The following ADIPOR2 variants were observed in gnomAD, a reference collection of about 807,000 sequenced individuals.
The protein encoded by ADIPOR2 is adiponectin receptor protein 2.
ADIPOR2 carries 18 observed loss-of-function variants against 40.9 expected under a neutral mutation model. That is an observed-to-expected ratio of 0.44 (90% CI 0.30 to 0.65). The LOEUF is 0.65. Among genes scored for constraint, ADIPOR2 ranks in the 30% least tolerant of loss-of-function variants. The pLI, the probability that ADIPOR2 is intolerant of heterozygous loss-of-function variation, is 0.09. For synonymous variants in ADIPOR2, 165 were observed against 166.4 expected (o/e 0.99, Z 0.06); for missense variants, 283 against 479.2 (o/e 0.59, Z 3.82).
At chr12:1,724,276 C>T (rs149641625) in intron 1 of ADIPOR2, among the ~76,000 whole-genome samples, 64 of 152,250 alleles carry the variant, frequency 4.2e-4, no homozygotes, top group Non-Finnish European at 7.5e-4. Flanking sequence ...CCACCGCACC[C>T]GGCCACAAAG....
At chr12:1,726,737 A>T (rs1443128877) in intron 1 of ADIPOR2, among the ~76,000 whole-genome samples, 1 of 151,962 alleles carries the variant, frequency 6.6e-6, no homozygotes, top group Admixed American at 6.6e-5. Flanking sequence ...TTATGCTAGT[A>T]ATAGTTCTAT....
chr12:1,761,232 G>A (rs1862263879), intron 2 of ADIPOR2, among the ~76,000 whole-genome samples: 1 of 152,118 alleles, frequency 6.6e-6, no homozygotes, highest in Admixed American at 6.5e-5. Context: ...TGGATGGGGG[G>A]AAACTACTGT....
chr12:1,773,273 T>C (rs1446669084), intron 3 of ADIPOR2, among the ~76,000 whole-genome samples: 1 of 152,198 alleles, frequency 6.6e-6, no homozygotes, highest in Non-Finnish European at 1.5e-5. Flanking sequence ...TAGTCAGAAG[T>C]GGTTGACGCC....
intron 6 of ADIPOR2, among the ~76,000 whole-genome samples, chr12:1,782,976 C>CTTTTTTTTTTTTTTTTTTTTTTTTTTTTT (rs71055199): frequency 1.2e-4 from 13 of 109,752 alleles, no homozygotes; most frequent in African/African-American, 1.5e-4. Context: ...TTCTTTCTTT[C>CTTTTTTTTTTTTTTTTTTTTTTTTTTTTT]TTTTTTTTTT....
At chr12:1,745,282 A>G (rs751158475) in intron 1 of ADIPOR2, among the ~76,000 whole-genome samples, 1 of 152,004 alleles carries the variant, frequency 6.6e-6, no homozygotes, top group Non-Finnish European at 1.5e-5. Context: ...GTCATGTTTC[A>G]TCTCCTGTTA....
intron 7 of ADIPOR2, among the ~76,000 whole-genome samples, chr12:1,785,503 C>T (rs1002364380): frequency 3.3e-5 from 5 of 152,194 alleles, no homozygotes; most frequent in African/African-American, 1.2e-4. Flanking sequence ...AGCTCTAGTC[C>T]TCTTGTCCAT....
intron 1 of ADIPOR2, among the ~76,000 whole-genome samples, chr12:1,694,051 C>T (rs1315762664): frequency 1.3e-5 from 2 of 152,202 alleles, no homozygotes; most frequent in Non-Finnish European, 2.9e-5. Context: ...ATGTACTAGA[C>T]AATTTCCACT....
intron 2 of ADIPOR2, among the ~76,000 whole-genome samples, chr12:1,765,738 TTTTTTC>T (rs1183139118): frequency 6.6e-6 from 1 of 152,138 alleles, no homozygotes; most frequent in Admixed American, 6.5e-5. Context: ...TTTTTCCCCC[TTTTTTC>T]TTCTATAGCC....
intron 2 of ADIPOR2, among the ~76,000 whole-genome samples, chr12:1,761,197 TA>T (rs984703792): frequency 3.9e-5 from 6 of 152,162 alleles, no homozygotes; most frequent in Non-Finnish European, 8.8e-5. Context: ...AGGCATCCAC[TA>T]GGGGTCTTAG....
chr12:1,724,573 G>T (rs996180578), intron 1 of ADIPOR2, among the ~76,000 whole-genome samples: 1 of 152,110 alleles, frequency 6.6e-6, no homozygotes, highest in African/African-American at 2.4e-5. Flanking sequence ...GGTTGTAAGG[G>T]TCACACAACA....
At chr12:1,691,684 T>C (rs564691043) in intron 1 of ADIPOR2, among the ~76,000 whole-genome samples, 2 of 152,306 alleles carry the variant, frequency 1.3e-5, no homozygotes, top group Non-Finnish European at 2.9e-5. Context: ...CCCTCACCTT[T>C]TTCAGGTGGC....
intron 1 of ADIPOR2, among the ~76,000 whole-genome samples, chr12:1,725,643 A>G (rs1387120813): frequency 1.3e-5 from 2 of 152,206 alleles, no homozygotes; most frequent in Non-Finnish European, 2.9e-5. Flanking sequence ...TACTTATTAA[A>G]TGTTTATCTT....
chr12:1,712,367 C>G (rs1440213552), intron 1 of ADIPOR2, among the ~76,000 whole-genome samples: 1 of 152,090 alleles, frequency 6.6e-6, no homozygotes, highest in East Asian at 1.9e-4. Context: ...TCCTTTGGCA[C>G]CTAGTGTGCC....
Position 1,786,100 on chromosome 12 carries a change from C to A in ADIPOR2, c.*28C>A. The A allele has an allele frequency of 6.2e-7, 1 of 1,606,038 alleles. No individual in the cohort carries two copies. Among genetic ancestry groups the A allele is most frequent in the Non-Finnish European group, 8.5e-7 (1 of 1,176,638 alleles). On this transcript the variant is annotated 3_prime_UTR_variant, in exon 8 of 8. Coordinates refer to ENST00000357103, the MANE Select transcript of ADIPOR2 (RefSeq NM_024551.3). ...CCTACCAGTCTCCAGGGACTATGAC[C>A]CTAAACCAGGGCCTGCGGCACTTGC...
chr12:1,722,761 A>G (rs1308644350), intron 1 of ADIPOR2, among the ~76,000 whole-genome samples: 2 of 152,206 alleles, frequency 1.3e-5, no homozygotes, highest in East Asian at 3.8e-4. Context: ...TATGTACCCT[A>G]CGCAGTCCTC....
intron 2 of ADIPOR2, chr12:1,760,750 A>C (rs7297878): frequency 0.97 from 148,384 of 152,368 alleles, 72,377 homozygotes; most frequent in East Asian, 1. Context: ...TCAGTTACCC[A>C]TGGGTCAACT....
intron 1 of ADIPOR2, chr12:1,697,183 T>C (rs1367067757): frequency 6.6e-6 from 1 of 152,212 alleles, no homozygotes; most frequent in African/African-American, 2.4e-5. Flanking sequence ...GCTTCAGGAG[T>C]GTTTTGGTAA....
At chr12:1,751,049 CTAG>C (rs1481066525) in intron 1 of ADIPOR2, among the ~76,000 whole-genome samples, 1 of 149,912 alleles carries the variant, frequency 6.7e-6, no homozygotes, top group African/African-American at 2.5e-5. Context: ...GCATTGCATG[CTAG>C]TAGGAGTTCA....
At chr12:1,699,502 T>G (rs1333218340) in intron 1 of ADIPOR2, among the ~76,000 whole-genome samples, 1 of 151,906 alleles carries the variant, frequency 6.6e-6, no homozygotes, top group Non-Finnish European at 1.5e-5. Flanking sequence ...AAAACAAAAA[T>G]TAGCCAGGCA....
Sources: allele counts gnomAD v4.1 joint callset (sites outside exome capture counted in the v4.1 genomes callset), GRCh38; gene constraint gnomAD v4.1.1; transcripts MANE v1.5; gene names NCBI Gene and HGNC (gene_info 2026-07-23, HGNC 2026-07-21).